Variants in OXCT1 observed in about 807,000 individuals in gnomAD.
OXCT1 encodes the protein 3-oxoacid CoA-transferase 1, also known as succinyl-CoA:3-ketoacid coenzyme A transferase 1, mitochondrial.
Under a neutral mutation model 69.6 loss-of-function variants are expected in OXCT1, and 27 were observed. The observed-to-expected ratio is 0.39, with a 90% confidence interval of 0.29 to 0.54. The LOEUF is 0.54. Ranked by LOEUF, OXCT1 falls within the 20% of genes least tolerant of loss-of-function variation. The pLI, the probability that OXCT1 is intolerant of heterozygous loss-of-function variation, is 0.72. For missense variants in OXCT1, 437 were observed against 650.2 expected (o/e 0.67, Z 3.57); for synonymous variants, 202 against 217.8 (o/e 0.93, Z 0.64).
chr5:41,832,349 G>C (rs1332660412), intron 7 of OXCT1, among the ~76,000 whole-genome samples: 1 of 152,050 alleles, frequency 6.6e-6, no homozygotes, highest in African/African-American at 2.4e-5. Context: ...GAGAGAGAGA[G>C]AGAGAGAGAG....
At chr5:41,851,912 T>C (rs1435365631) in intron 4 of OXCT1, among the ~76,000 whole-genome samples, 3 of 152,192 alleles carry the variant, frequency 2.0e-5, no homozygotes, top group African/African-American at 7.2e-5. Flanking sequence ...GTTGAATTCC[T>C]AGTCACCAGT....
At chr5:41,794,442 T>C (rs903247874) in intron 12 of OXCT1, 3 of 603,012 alleles carry the variant, frequency 5.0e-6, no homozygotes, top group Non-Finnish European at 5.9e-6. Flanking sequence ...TTTATTTCAG[T>C]ATGGTTGGCA....
intron 14 of OXCT1, among the ~76,000 whole-genome samples, chr5:41,758,358 T>C (rs1320465424): frequency 6.6e-6 from 1 of 152,120 alleles, no homozygotes; most frequent in Non-Finnish European, 1.5e-5. Flanking sequence ...AGAAATATAG[T>C]TCTATGGCTG....
In OXCT1 at chr5:41,753,310, G is replaced by GACAC. The variant is rs56169527; in HGVS notation, c.1339-3707_1339-3704dup. 1.2e-3 allele frequency among the ~76,000 whole-genome samples: 178 copies of GACAC among 149,990 alleles called. 1 individual carries two copies. The highest frequency in any genetic ancestry group is 3.4e-3 in the Middle Eastern group (1 of 294). On this transcript the variant is annotated intron_variant, in intron 14 of 16. Coordinates refer to ENST00000196371, the MANE Select transcript of OXCT1 (RefSeq NM_000436.4). ...ACACATAGACACACACACACACATA[G>GACAC]ACACACACACACACACACACACAGA...
intron 11 of OXCT1, among the ~76,000 whole-genome samples, chr5:41,795,518 G>C (rs1746135882): frequency 6.6e-6 from 1 of 152,194 alleles, no homozygotes; most frequent in Non-Finnish European, 1.5e-5. Context: ...CTGAGACAGA[G>C]AGACTGTGGA....
intron 15 of OXCT1, among the ~76,000 whole-genome samples, chr5:41,742,415 C>T (rs1266954749): frequency 1.3e-5 from 2 of 152,196 alleles, no homozygotes; most frequent in Non-Finnish European, 2.9e-5. Flanking sequence ...GTGACAAAAG[C>T]TTACATTATG....
chr5:41,749,647 G>A, intron 14 of OXCT1, 40 bp from the exon 15 acceptor site: 1 of 1,277,236 alleles, frequency 7.8e-7, no homozygotes, highest in Non-Finnish European at 1.1e-6. Flanking sequence ...TAGTTAGGGA[G>A]CAATTTTTAT....
intron 8 of OXCT1, among the ~76,000 whole-genome samples, chr5:41,806,755 T>G (rs1238785245): frequency 6.6e-6 from 1 of 152,076 alleles, no homozygotes; most frequent in Non-Finnish European, 1.5e-5. Context: ...CCAAACAAAC[T>G]TCTTTATAAA....
intron 8 of OXCT1, among the ~76,000 whole-genome samples, chr5:41,806,131 A>C (rs572250156): frequency 6.6e-6 from 1 of 152,174 alleles, no homozygotes; most frequent in East Asian, 1.9e-4. Flanking sequence ...TATTTTTACC[A>C]CAAATGCACC....
At position 41,753,294 on chromosome 5, in the gene OXCT1, CACACACACACACATAG is replaced by C. The variant is rs965394880; in HGVS notation, c.1339-3703_1339-3688del. On this transcript the variant is annotated intron_variant, in intron 14 of 16. Coordinates refer to ENST00000196371, the MANE Select transcript of OXCT1 (RefSeq NM_000436.4). The stretch of plus-strand genomic sequence containing the variant: ...ATACACACACACACACACACATAGA[CACACACACACACATAG>C]ACACACACACACACACACACACAGA... Among the ~76,000 whole-genome samples, 12 of 116,004 alleles carry C rather than the reference CACACACACACACATAG, an allele frequency of 1.0e-4. No homozygotes were observed. The South Asian group carries it at 1.5e-3, about 15-fold the overall frequency. The allele number at this position is 116,004 out of a possible 152,430, so 76.1% of individuals were successfully genotyped here.
chr5:41,750,269 T>C (rs1201826003), intron 14 of OXCT1, among the ~76,000 whole-genome samples: 1 of 151,862 alleles, frequency 6.6e-6, no homozygotes, highest in Non-Finnish European at 1.5e-5. Flanking sequence ...ATCTATTCAT[T>C]TCCTATTGTG....
At chr5:41,820,736 T>C (rs937923795) in intron 7 of OXCT1, among the ~76,000 whole-genome samples, 1 of 152,298 alleles carries the variant, frequency 6.6e-6, no homozygotes, top group South Asian at 2.1e-4. Context: ...CATCCCATTA[T>C]GGCCCATCCT....
chr5:41,735,423 C>A (rs1163309733), intron 16 of OXCT1, among the ~76,000 whole-genome samples: 1 of 152,080 alleles, frequency 6.6e-6, no homozygotes, highest in African/African-American at 2.4e-5. Flanking sequence ...AAAGCAAAAA[C>A]AGTGGTTGCC....
At chr5:41,759,189 G>A (rs896529654) in intron 14 of OXCT1, among the ~76,000 whole-genome samples, 1 of 151,286 alleles carries the variant, frequency 6.6e-6, no homozygotes, top group Admixed American at 6.6e-5. Context: ...GGTGCAGTAT[G>A]AACACAGGCT....
intron 3 of OXCT1, among the ~76,000 whole-genome samples, chr5:41,859,413 A>G (rs1749613600): frequency 6.6e-6 from 1 of 152,206 alleles, no homozygotes; most frequent in African/African-American, 2.4e-5. Context: ...GCCACAGAGC[A>G]TAATAAGAGC....
At chr5:41,833,051 T>C (rs1360369290) in intron 7 of OXCT1, among the ~76,000 whole-genome samples, 1 of 152,128 alleles carries the variant, frequency 6.6e-6, no homozygotes, top group Non-Finnish European at 1.5e-5. Context: ...TTACTGGCTT[T>C]AAAGAAGAGG....
chr5:41,779,080 T>C (rs1056205377), intron 13 of OXCT1, among the ~76,000 whole-genome samples: 1 of 152,234 alleles, frequency 6.6e-6, no homozygotes, highest in African/African-American at 2.4e-5. Flanking sequence ...TAAATGTAGA[T>C]TATTTCTAGG....
At chr5:41,822,248 G>C (rs1366288122) in intron 7 of OXCT1, among the ~76,000 whole-genome samples, 1 of 152,112 alleles carries the variant, frequency 6.6e-6, no homozygotes, top group Admixed American at 6.5e-5. Flanking sequence ...GGGAGTGACA[G>C]GAGGCAGCCA....
At chr5:41,791,415 T>C (rs1745910547) in intron 13 of OXCT1, among the ~76,000 whole-genome samples, 1 of 152,168 alleles carries the variant, frequency 6.6e-6, no homozygotes, top group Admixed American at 6.5e-5. Context: ...CAAGTTATAT[T>C]GAGAAAAGTA....
Sources: gnomAD v4.1 joint callset for allele counts (sites outside exome capture counted in the v4.1 genomes callset) on GRCh38, gnomAD v4.1.1 for gene constraint, MANE v1.5 for transcripts, NCBI Gene and HGNC (gene_info 2026-07-23, HGNC 2026-07-21) for gene names.